DNAAF10: variants seen among roughly 807,000 people sequenced by gnomAD.
The protein encoded by DNAAF10 is dynein axonemal assembly factor 10, also known as WD repeat domain 92.
DNAAF10 carries 28 observed loss-of-function variants against 43.7 expected under a neutral mutation model. That is an observed-to-expected ratio of 0.64 (90% confidence interval 0.48 to 0.88). The LOEUF (loss-of-function observed/expected upper bound fraction) is 0.88. DNAAF10 is among the 40% of genes least tolerant of loss of function. DNAAF10 has a pLI of 0.00. For synonymous variants in DNAAF10, 156 were observed against 157.3 expected (o/e 0.99, Z 0.06); for missense variants, 403 against 439.1 (o/e 0.92, Z 0.73).
At chr2:68,144,496 A>G in intron 3 of DNAAF10, 89 bp downstream of exon 3, 3 of 1,527,560 alleles carry the variant, frequency 2.0e-6, no homozygotes, top group Non-Finnish European at 2.6e-6. Flanking sequence ...AGGTGACTGA[A>G]GGGGATTTTT....
chr2:68,134,517 C>G, intron 7 of DNAAF10, 185 bp downstream of exon 7: 1 of 1,435,908 alleles, frequency 7.0e-7, no homozygotes, highest in Non-Finnish European at 9.1e-7. Context: ...AGTGTACACT[C>G]TACTAAGTGT....
chr2:68,134,720 C>A lies in DNAAF10; in HGVS notation c.848G>T (p.Gly283Val), dbSNP rs866212430. 1 of 1,609,248 alleles carries A rather than the reference C, an allele frequency of 6.2e-7. No individual in the cohort carries two copies. Among genetic ancestry groups the A allele is most frequent in the Non-Finnish European group, 8.5e-7 (1 of 1,178,804 alleles). ...GACTTACTACTTCCAGAGGTGAAGG[C>A]CGCCGGCGCCTCCAGCTGTCAGAAA... is the stretch of plus-strand genomic sequence containing the variant. ...ELFLTAGGAGGLHLWKYEYPI... is the reference protein window; with the variant it reads ...ELFLTAGGAGVLHLWKYEYPI... The change falls in exon 7 of 8, where the codon GGC (glycine) becomes GTC (valine). Residue 283 changes from glycine to valine, a missense_variant. Gly to Val is a moderately radical substitution (Grantham distance 109). Coordinates refer to ENST00000295121, the MANE Select transcript of DNAAF10 (RefSeq NM_138458.4).
intron 1 of DNAAF10, among the ~76,000 whole-genome samples, chr2:68,153,757 T>TG (rs1448764067): frequency 6.1e-5 from 9 of 146,348 alleles, no homozygotes; most frequent in Admixed American, 1.4e-4. Context: ...TTTTTTTTTT[T>TG]TTTTTTTTTT....
In DNAAF10 at chr2:68,130,116, A is replaced by ATATATATG. The variant is rs1672897238; in HGVS notation, c.*1121_*1122insCATATATA. 1.5e-5 allele frequency: 2 copies of ATATATATG among 136,936 alleles called. No individual in the cohort carries two copies. 8.5% of individuals were successfully genotyped at this position (136,936 alleles called of 1,614,324 possible). A position where few individuals can be genotyped will look rare whatever the true frequency, so the allele number is the denominator to read the frequency against. On this transcript the variant is annotated 3_prime_UTR_variant, in exon 8 of 8. Transcript: ENST00000295121. ...AACCGTGCCGTTTTGAGAGAGAGAGATATATATATATATATTTGTTTTTTT... is the reference window on the plus strand; with the variant it reads ...AACCGTGCCGTTTTGAGAGAGAGAGATATATATGTATATATATATATATTTGTTTTTTT...
intron 3 of DNAAF10, among the ~76,000 whole-genome samples, chr2:68,143,963 G>A (rs995199929): frequency 5.3e-5 from 8 of 152,006 alleles, no homozygotes; most frequent in Non-Finnish European, 1.0e-4. Flanking sequence ...GGTCTTGAGC[G>A]GCCATTAAAC....
rs1358143881 is a variant in DNAAF10, at chr2:68,156,995, ACC to A, written c.183+264_183+265del. 10 of 540,492 alleles carry A rather than the reference ACC, an allele frequency of 1.9e-5. No individual in the cohort carries two copies. The East Asian group carries it at 2.9e-4, about 16-fold the overall frequency. The allele number at this position is 540,492 out of a possible 1,614,324, so 33.5% of individuals were successfully genotyped here. On this transcript the variant is annotated intron_variant, in intron 1 of 7. Coordinates refer to ENST00000295121, the MANE Select transcript of DNAAF10 (RefSeq NM_138458.4). ...CGAATGTGTTAGGTTGCCTCTTCCA[ACC>A]ACACTGCAGGCATCCTGGTGCCCGC...
chr2:68,152,991 T>A (rs574801950), intron 1 of DNAAF10, among the ~76,000 whole-genome samples: 20 of 152,378 alleles, frequency 1.3e-4, no homozygotes, highest in African/African-American at 4.3e-4. Flanking sequence ...CTATTTTTTT[T>A]AATATAAACA....
Position 68,137,332 on chromosome 2 carries a change from A to G in DNAAF10, c.735T>C (p.His245=). The change falls in exon 6 of 8, where the codon CAT becomes CAC. Residue 245 remains histidine (H), a synonymous_variant. Transcript: ENST00000295121. The part of the protein sequence containing the change: ...KFHVFDMRTQ[H]PTKGFASVSE... The stretch of plus-strand genomic sequence containing the variant: ...AAACAGAGGCAAAACCTTTGGTTGG[A>G]TGCTGTGTTCTCATGTCAAAAACAT... 6.2e-7 allele frequency: 1 copy of G among 1,613,014 alleles called. No individual in the cohort carries two copies. The highest frequency in any genetic ancestry group is 8.5e-7 in the Non-Finnish European group (1 of 1,179,552).
intron 2 of DNAAF10, among the ~76,000 whole-genome samples, chr2:68,146,127 T>C (rs750432025): frequency 2.0e-5 from 3 of 152,124 alleles, no homozygotes; most frequent in Non-Finnish European, 4.4e-5. Context: ...CCAGGCGTGG[T>C]GGTGGGCACC....
intron 1 of DNAAF10, among the ~76,000 whole-genome samples, chr2:68,152,431 C>G (rs949695362): frequency 2.6e-5 from 4 of 152,154 alleles, no homozygotes; most frequent in African/African-American, 9.7e-5. Flanking sequence ...ACAAAAGTGG[C>G]CATGTTTCCT....
chr2:68,137,227 G>T, intron 6 of DNAAF10, 72 bp downstream of exon 6: 2 of 1,464,486 alleles, frequency 1.4e-6, no homozygotes, highest in East Asian at 2.4e-5. Context: ...AAACCTTGGT[G>T]ACTAATTCTA....
At chr2:68,136,966 G>C (rs2103885536) in intron 6 of DNAAF10, among the ~76,000 whole-genome samples, 1 of 152,182 alleles carries the variant, frequency 6.6e-6, no homozygotes, top group Admixed American at 6.5e-5. Context: ...TATATAACCA[G>C]GTATTAGCAC....
intron 1 of DNAAF10, 104 bp from the exon 2 acceptor site, chr2:68,147,671 A>G: frequency 2.7e-6 from 2 of 753,302 alleles, no homozygotes; most frequent in Non-Finnish European, 3.9e-6. Flanking sequence ...AAATAAGACA[A>G]TATAAAAGGC....
In DNAAF10 at chr2:68,157,056, T is replaced by C. The variant is rs1572932121; in HGVS notation, c.183+205A>G. The C allele has an allele frequency of 1.7e-5, 12 of 722,326 alleles. No individual in the cohort carries two copies. The South Asian group carries it at 2.1e-4, about 13-fold the overall frequency. The allele number at this position is 722,326 out of a possible 1,614,324, so 44.7% of individuals were successfully genotyped here. A position where few individuals can be genotyped will look rare whatever the true frequency, so the allele number is the denominator to read the frequency against. ...GACTGCACTGGGGGTGGCAGGACGGTTGGGCGCGGAGGAACTACCCCGCGG... is the reference window on the plus strand; with the variant it reads ...GACTGCACTGGGGGTGGCAGGACGGCTGGGCGCGGAGGAACTACCCCGCGG... On this transcript the variant is annotated intron_variant, in intron 1 of 7. Transcript: ENST00000295121.
At chr2:68,142,291 C>CA (rs1673199439) in intron 3 of DNAAF10, among the ~76,000 whole-genome samples, 1 of 152,220 alleles carries the variant, frequency 6.6e-6, no homozygotes, top group Admixed American at 6.5e-5. Context: ...GATGGAGTCT[C>CA]ACTCTGTCGC....
Position 68,147,320 on chromosome 2 carries a change from T to C in DNAAF10, c.284+147A>G. 5 of 572,782 alleles carry C rather than the reference T, an allele frequency of 8.7e-6. No homozygotes were observed. The South Asian group carries it at 1.2e-4, about 13-fold the overall frequency. The allele number at this position is 572,782 out of a possible 1,614,324, so 35.5% of individuals were successfully genotyped here. On this transcript the variant is annotated intron_variant, in intron 2 of 7. Transcript: ENST00000295121. ...TTTGAATATGAAATCTAGAAATATA[T>C]ATTAGAGACAATTCTCATATTTTTA... is the stretch of plus-strand genomic sequence containing the variant.
intron 5 of DNAAF10, among the ~76,000 whole-genome samples, chr2:68,137,958 A>G (rs369630498): frequency 6.6e-6 from 1 of 150,556 alleles, no homozygotes; most frequent in East Asian, 1.9e-4. Flanking sequence ...GCAGATCATG[A>G]GGTCAGGAGA....
intron 6 of DNAAF10, 118 bp from the exon 7 acceptor site, chr2:68,134,917 G>T: frequency 8.8e-7 from 1 of 1,132,796 alleles, no homozygotes; most frequent in Non-Finnish European, 1.3e-6. Context: ...AGTAATTAAG[G>T]TTATTTTCTG....
intron 3 of DNAAF10, among the ~76,000 whole-genome samples, chr2:68,143,521 G>A (rs1673241527): frequency 6.6e-6 from 1 of 151,990 alleles, no homozygotes. Context: ...TATTCCAAAA[G>A]AGTTACACAT....
Sources: allele counts gnomAD v4.1 joint callset (sites outside exome capture counted in the v4.1 genomes callset), GRCh38; gene constraint gnomAD v4.1.1; transcripts MANE v1.5; gene names NCBI Gene and HGNC (gene_info 2026-07-23, HGNC 2026-07-21).